The following LNX1 variants were observed in gnomAD, a reference collection of about 807,000 sequenced individuals.
The protein encoded by LNX1 is E3 ubiquitin-protein ligase LNX.
LNX1 carries 54 observed loss-of-function variants against 68.4 expected under a neutral mutation model. The observed-to-expected ratio is 0.79, with a 90% CI of 0.63 to 0.99. LNX1 has a LOEUF of 0.99. LNX1 is among the 50% of genes least tolerant of loss of function. LNX1 has a pLI of 0.00. For synonymous variants in LNX1, 336 were observed against 350.0 expected (o/e 0.96, Z 0.45); for missense variants, 906 against 926.4 (o/e 0.98, Z 0.29).
At chr4:53,475,180 T>C (rs1438444032) in intron 9 of LNX1, among the ~76,000 whole-genome samples, 1 of 152,246 alleles carries the variant, frequency 6.6e-6, no homozygotes, top group Non-Finnish European at 1.5e-5. Context: ...GCACCTCACA[T>C]TGTCCTCTCT....
At chr4:53,465,693 A>C (rs2150559310) in intron 9 of LNX1, among the ~76,000 whole-genome samples, 1 of 152,378 alleles carries the variant, frequency 6.6e-6, no homozygotes, top group Middle Eastern at 3.4e-3. Context: ...ATACATGTTT[A>C]AATTGTACAT....
chr4:53,557,859 A>T, intron 2 of LNX1: 4 of 1,613,088 alleles, frequency 2.5e-6, no homozygotes, highest in Non-Finnish European at 3.4e-6. Flanking sequence ...AGGCACGGAC[A>T]GAGAGGGGAC....
intron 2 of LNX1, among the ~76,000 whole-genome samples, chr4:53,523,566 C>T (rs1283375032): frequency 1.3e-5 from 2 of 152,168 alleles, no homozygotes; most frequent in South Asian, 2.1e-4. Context: ...GGATTACATG[C>T]GTAAGCCACA....
intron 1 of LNX1, among the ~76,000 whole-genome samples, chr4:53,588,847 A>G (rs1416813930): frequency 6.6e-6 from 1 of 152,140 alleles, no homozygotes; most frequent in Non-Finnish European, 1.5e-5. Flanking sequence ...GGCGAGACCC[A>G]GAGAAGTGAC....
intron 2 of LNX1, among the ~76,000 whole-genome samples, chr4:53,545,498 C>A (rs1237557490): frequency 6.6e-6 from 1 of 152,176 alleles, no homozygotes; most frequent in Non-Finnish European, 1.5e-5. Flanking sequence ...GTTTCCTCAG[C>A]CTCAATAAAT....
intron 1 of LNX1, among the ~76,000 whole-genome samples, chr4:53,639,828 T>C (rs930837168): frequency 2.6e-5 from 4 of 152,106 alleles, no homozygotes; most frequent in Non-Finnish European, 2.9e-5. Context: ...CGTCAGGGAT[T>C]TGAGACCTGC....
intron 1 of LNX1, among the ~76,000 whole-genome samples, chr4:53,625,221 G>T (rs1474631748): frequency 6.6e-6 from 1 of 151,942 alleles, no homozygotes; most frequent in Non-Finnish European, 1.5e-5. Flanking sequence ...AAAATAAATT[G>T]GTTTTCATCA....
intron 1 of LNX1, among the ~76,000 whole-genome samples, chr4:53,631,689 A>G (rs1395789463): frequency 1.3e-5 from 2 of 149,246 alleles, no homozygotes; most frequent in Non-Finnish European, 3.0e-5. Context: ...ATGAGACCCA[A>G]GCATGGATAT....
At chr4:53,580,161 G>A (rs1177692198) in intron 1 of LNX1, among the ~76,000 whole-genome samples, 2 of 152,118 alleles carry the variant, frequency 1.3e-5, no homozygotes, top group Non-Finnish European at 2.9e-5. Flanking sequence ...GATTAATAGA[G>A]GAAAAAGTCC....
intron 2 of LNX1, among the ~76,000 whole-genome samples, chr4:53,616,240 T>C (rs1733674363): frequency 6.6e-6 from 1 of 152,230 alleles, no homozygotes; most frequent in Non-Finnish European, 1.5e-5. Context: ...TTTTACTTTT[T>C]TTCTTAGAAA....
chr4:53,577,126 C>T (rs1731542255), intron 1 of LNX1, among the ~76,000 whole-genome samples: 1 of 152,178 alleles, frequency 6.6e-6, no homozygotes. Flanking sequence ...GTCCTCAAGG[C>T]TGTTAGAAAG....
chr4:53,475,196 AAATGAAT>A (rs1723485798), intron 9 of LNX1, among the ~76,000 whole-genome samples: 3 of 152,388 alleles, frequency 2.0e-5, no homozygotes, highest in Admixed American at 2.0e-4. Flanking sequence ...TCTCTTACAC[AAATGAAT>A]AATGAAGGAC....
chr4:53,536,006 C>G (rs1282768611), intron 2 of LNX1, among the ~76,000 whole-genome samples: 4 of 152,168 alleles, frequency 2.6e-5, no homozygotes, highest in Admixed American at 6.5e-5. Context: ...TGATAGAAGC[C>G]TTGTGGGTTA....
chr4:53,647,644 A>G (rs762666621), intron 1 of LNX1, among the ~76,000 whole-genome samples: 24 of 152,342 alleles, frequency 1.6e-4, no homozygotes, highest in African/African-American at 2.4e-4. Context: ...CATCTTAACA[A>G]TTTTTAAGAG....
intron 1 of LNX1, among the ~76,000 whole-genome samples, 179 bp from the exon 2 acceptor site, chr4:53,574,267 G>A (rs549544020): frequency 1.1e-4 from 16 of 152,292 alleles, no homozygotes; most frequent in East Asian, 3.9e-4. Flanking sequence ...TGGCCTCCTC[G>A]TGCCTCTGTT....
At chr4:53,551,993 C>A (rs1282479250) in intron 2 of LNX1, among the ~76,000 whole-genome samples, 1 of 152,128 alleles carries the variant, frequency 6.6e-6, no homozygotes, top group Non-Finnish European at 1.5e-5. Context: ...TAAGCTATCC[C>A]CACTTAGTAC....
At chr4:53,552,499 C>T (rs200186848) in intron 2 of LNX1, among the ~76,000 whole-genome samples, 1 of 152,152 alleles carries the variant, frequency 6.6e-6, no homozygotes, top group Admixed American at 6.5e-5. Context: ...CACCACTCCA[C>T]CAAATTCTAA....
At chr4:53,472,685 C>CAAAAAAAAAAAAAAA (rs1309297098) in intron 9 of LNX1, among the ~76,000 whole-genome samples, 2 of 74,780 alleles carry the variant, frequency 2.7e-5, no homozygotes, top group African/African-American at 4.8e-5. Context: ...ACAACAACAA[C>CAAAAAAAAAAAAAAA]AAAAAAAAAA....
intron 2 of LNX1, among the ~76,000 whole-genome samples, chr4:53,559,096 G>A (rs1179039647): frequency 1.3e-5 from 2 of 152,132 alleles, no homozygotes; most frequent in Non-Finnish European, 2.9e-5. Context: ...TCACATTAAT[G>A]ACAGCCAAGC....
Sources: allele counts gnomAD v4.1 joint callset (sites outside exome capture counted in the v4.1 genomes callset), GRCh38; gene constraint gnomAD v4.1.1; transcripts MANE v1.5; gene names NCBI Gene and HGNC (gene_info 2026-07-23, HGNC 2026-07-21).